The following PAXIP1 variants were observed in gnomAD, a reference collection of about 807,000 sequenced individuals.
PAXIP1 encodes the protein PAX-interacting protein 1.
In PAXIP1, 19 loss-of-function variants were observed where a neutral mutation model predicts 140.6. The observed-to-expected ratio is 0.14, with a 90% CI of 0.09 to 0.20. The LOEUF is 0.20. PAXIP1 is among the 10% of genes least tolerant of loss of function. The pLI, the probability that PAXIP1 is intolerant of heterozygous loss-of-function variation, is 1.00. For synonymous variants in PAXIP1, 442 were observed against 444.6 expected (o/e 0.99, Z 0.07); for missense variants, 920 against 1,208.6 (o/e 0.76, Z 3.54).
At position 154,954,666 on chromosome 7, in the gene PAXIP1, C is replaced by A. The variant is rs574841989; in HGVS notation, c.2653-243G>T. On this transcript the variant is annotated intron_variant, in intron 15 of 20. Transcript: ENST00000404141. The surrounding 1 kb of genome is among the most constrained non-coding windows in gnomAD (Gnocchi z 5.1). ...ACAAATCAAGATTAAAACATGAATT[C>A]TCCATCAAACATCAATAACATATCT... Among the ~76,000 whole-genome samples, 3 of 152,342 alleles carry A rather than the reference C, an allele frequency of 2.0e-5. No individual in the cohort carries two copies. The highest frequency in any genetic ancestry group is 2.1e-4 in the South Asian group (1 of 4,830).
chr7:154,954,310 C>T lies in PAXIP1; in HGVS notation c.2766G>A (p.Lys922=), dbSNP rs1808413333. The change falls in exon 16 of 21, where the codon AAG becomes AAA. Residue 922 remains lysine (K), a synonymous_variant. Transcript: ENST00000404141. The surrounding 1 kb of genome is among the most constrained non-coding windows in gnomAD (Gnocchi z 5.1). ...CCAGCCACTCTGGCGTCACTATGTGCTTCACGACAGAAATCGCCGTCAGGA... is the reference window on the plus strand; with the variant it reads ...CCAGCCACTCTGGCGTCACTATGTGTTTCACGACAGAAATCGCCGTCAGGA... ...VKFLTAISVV[K]HIVTPEWLEE... is the part of the protein sequence containing the mutation. 2 of 1,603,444 alleles carry T rather than the reference C, an allele frequency of 1.2e-6. No individual in the cohort carries two copies. Among genetic ancestry groups the T allele is most frequent in the Non-Finnish European group, 8.5e-7 (1 of 1,172,752 alleles).
rs968616457 is a variant in PAXIP1 at position 154,969,145 on chromosome 7, G to A, written c.1075-19C>T. On this transcript the variant is annotated intron_variant, in intron 6 of 20. Coordinates refer to ENST00000404141, the MANE Select transcript of PAXIP1 (RefSeq NM_007349.4). Reference sequence around the variant, plus strand: ...GTAAGATCTACAAAACAAAAGTTAGGTGAAACATTATCAACAGTTCCTGAA... The same window carrying A: ...GTAAGATCTACAAAACAAAAGTTAGATGAAACATTATCAACAGTTCCTGAA... 2.1e-6 allele frequency: 3 copies of A among 1,450,794 alleles called. No individual in the cohort carries two copies. In the South Asian group the frequency reaches 4.4e-5, roughly 21 times the overall value. 89.9% of individuals were successfully genotyped at this position (1,450,794 alleles called of 1,614,324 possible).
chr7:154,962,786 C>A, intron 9 of PAXIP1: 1 of 168,152 alleles, frequency 5.9e-6, no homozygotes, highest in Non-Finnish European at 1.3e-5. Context: ...GAGGGCCCCA[C>A]ATAAGAAAAA....
intron 8 of PAXIP1, among the ~76,000 whole-genome samples, chr7:154,967,153 G>A (rs549022763): frequency 2.0e-5 from 3 of 152,198 alleles, no homozygotes; most frequent in East Asian, 1.9e-4. Context: ...CTGCTCTTCC[G>A]TTTTCTCCGT....
Position 154,955,617 on chromosome 7 carries a change from G to T in PAXIP1, c.2564C>A (p.Pro855Gln). ...TGGAGTTAGCTTTTTAGTGGGAGGT[G>T]GTACGTCTTCAATTCTGTGGAAGAA... ...SSKRARIEDV[P>Q]PPTKKLTPEL... Residue 855 changes from proline (P) to glutamine (Q), a missense_variant, in exon 15 of 21, where the codon CCA becomes CAA. Pro to Gln is a moderately conservative substitution (Grantham distance 76, BLOSUM62 -1). Coordinates refer to ENST00000404141, the MANE Select transcript of PAXIP1 (RefSeq NM_007349.4). 1 of 1,577,052 alleles carries T rather than the reference G, an allele frequency of 6.3e-7. No homozygotes were observed. The highest frequency in any genetic ancestry group is 8.6e-7 in the Non-Finnish European group (1 of 1,162,892).
Position 154,976,107 on chromosome 7 carries a change from G to T in PAXIP1, c.663C>A (p.Ala221=), listed in dbSNP as rs1012517575. Residue 221 remains alanine (A), a synonymous_variant, in exon 6 of 21, where the codon GCC becomes GCA. Coordinates refer to ENST00000404141, the MANE Select transcript of PAXIP1 (RefSeq NM_007349.4). ...EGSTDEKSSP[A]SSQEGSPSGD... The stretch of plus-strand genomic sequence containing the variant: ...CTGAAGGAGACCCTTCTTGAGAGCT[G>T]GCAGGGCTTGACTTCTCATCTGTAC... 5.7e-6 allele frequency: 9 copies of T among 1,571,356 alleles called. No individual in the cohort carries two copies. In the East Asian group the frequency reaches 2.1e-4, roughly 37 times the overall value.
chr7:154,991,118 G>T, intron 3 of PAXIP1, 49 bp from the exon 4 acceptor site: 1 of 957,010 alleles, frequency 1.0e-6, no homozygotes, highest in Non-Finnish European at 1.6e-6. Flanking sequence ...AGTGCAACCT[G>T]TACTTCACTA....
chr7:154,954,392 T>G lies in PAXIP1; in HGVS notation c.2684A>C (p.Glu895Ala). The G allele has an allele frequency of 6.4e-7, 1 of 1,573,640 alleles. No homozygotes were observed. The highest frequency in any genetic ancestry group is 8.7e-7 in the Non-Finnish European group (1 of 1,152,988). ...KLYILGGEVA[E>A]SAQKCTHLIA... is the part of the protein sequence containing the mutation. ...GAGGTGTGTGCACTTCTGTGCAGAC[T>G]CCGCAACCTCTCCACCAAGAATGTA... Residue 895 changes from glutamate to alanine, a missense_variant, in exon 16 of 21, where the codon GAG becomes GCG. Coordinates refer to ENST00000404141, the MANE Select transcript of PAXIP1 (RefSeq NM_007349.4). The surrounding 1 kb of genome is among the most constrained non-coding windows in gnomAD (Gnocchi z 5.1).
chr7:154,993,641 C>T (rs938803840), intron 3 of PAXIP1, 85 bp downstream of exon 3: 1 of 1,021,164 alleles, frequency 9.8e-7, no homozygotes, highest in East Asian at 2.6e-5. Flanking sequence ...AATGAATCCA[C>T]TTTTCACTCC....
rs938845040 is a variant in PAXIP1 at position 154,955,575 on chromosome 7, A to G, written c.2606T>C (p.Val869Ala). The G allele has an allele frequency of 6.2e-7, 1 of 1,607,800 alleles. No individual in the cohort carries two copies. Among genetic ancestry groups the G allele is most frequent in the Admixed American group, 1.7e-5 (1 of 58,438 alleles). Residue 869 changes from valine to alanine, a missense_variant, in exon 15 of 21, where the codon GTG (valine) becomes GCG (alanine). Physicochemically the swap from Val to Ala is moderately conservative, Grantham distance 64. This residue lies in a region of PAXIP1 where 303 missense variants were observed against 517.9 expected (regional missense o/e 0.59). Transcript: ENST00000404141. ...KKLTPELTPFVLFTGFEPVQV... is the reference protein window; with the variant it reads ...KKLTPELTPFALFTGFEPVQV... ...GACAGGCTCGAATCCAGTGAAAAGC[A>G]CAAAAGGGGTCAATTCTGGAGTTAG...
At chr7:154,985,796 A>T (rs1810041667) in intron 4 of PAXIP1, among the ~76,000 whole-genome samples, 1 of 152,174 alleles carries the variant, frequency 6.6e-6, no homozygotes, top group Non-Finnish European at 1.5e-5. Flanking sequence ...TCCAGTCTTG[A>T]CTATGAACTC....
chr7:154,993,448 T>C (rs900958555), intron 3 of PAXIP1, among the ~76,000 whole-genome samples: 7 of 152,228 alleles, frequency 4.6e-5, no homozygotes, highest in African/African-American at 1.4e-4. Flanking sequence ...ATCCCTCATC[T>C]AGCTAGCACC....
intron 4 of PAXIP1, among the ~76,000 whole-genome samples, chr7:154,990,189 G>A (rs1331592334): frequency 6.6e-6 from 1 of 151,700 alleles, no homozygotes; most frequent in African/African-American, 2.4e-5. Context: ...TTACAGGTGC[G>A]CACCACCATT....
chr7:154,966,418 T>C (rs1433932056), intron 8 of PAXIP1, among the ~76,000 whole-genome samples: 2 of 152,242 alleles, frequency 1.3e-5, no homozygotes, highest in Non-Finnish European at 2.9e-5. Flanking sequence ...TGAGGGCACA[T>C]GGCCTTCAGT....
Position 154,954,498 on chromosome 7 carries a change from G to A in PAXIP1, c.2653-75C>T. The stretch of plus-strand genomic sequence containing the variant: ...AGCCACACTGACACAGAGTAACACA[G>A]AGGAATATCTACCTAAAGACAAGGT... On this transcript the variant is annotated intron_variant, in intron 15 of 20. Transcript: ENST00000404141. The surrounding 1 kb of genome is among the most constrained non-coding windows in gnomAD (Gnocchi z 5.1). The A allele has an allele frequency of 1.0e-6, 1 of 996,236 alleles. No individual in the cohort carries two copies. Among genetic ancestry groups the A allele is most frequent in the East Asian group, 3.2e-5 (1 of 31,706 alleles). The allele number at this position is 996,236 out of a possible 1,614,324, so 61.7% of individuals were successfully genotyped here.
chr7:154,988,838 G>C (rs1352603337), intron 4 of PAXIP1, among the ~76,000 whole-genome samples: 1 of 152,152 alleles, frequency 6.6e-6, no homozygotes, highest in Non-Finnish European at 1.5e-5. Flanking sequence ...TCACATTTTA[G>C]CCAAAGTACA....
intron 13 of PAXIP1, among the ~76,000 whole-genome samples, chr7:154,958,704 C>T (rs972256969): frequency 2.0e-5 from 3 of 152,134 alleles, no homozygotes; most frequent in Non-Finnish European, 2.9e-5. Flanking sequence ...CTCTTTGTCT[C>T]TAAGATTTTT....
intron 5 of PAXIP1, among the ~76,000 whole-genome samples, chr7:154,982,969 T>TA (rs1350649882): frequency 6.7e-6 from 1 of 148,422 alleles, no homozygotes; most frequent in Non-Finnish European, 1.5e-5. Flanking sequence ...TACAGATTAA[T>TA]AAAATTTTCC....
At position 154,968,437 on chromosome 7, in the gene PAXIP1, C is replaced by T; in HGVS notation, c.1764G>A (p.Gln588=). 6.5e-7 allele frequency: 1 copy of T among 1,543,804 alleles called. No individual in the cohort carries two copies. The highest frequency in any genetic ancestry group is 8.8e-7 in the Non-Finnish European group (1 of 1,139,858). The change falls in exon 7 of 21, where the codon CAG becomes CAA. Residue 588 remains glutamine (Q), a synonymous_variant. Transcript: ENST00000404141. ...QQQQPPPSPQ[Q]HQLFGHDPAV... The stretch of plus-strand genomic sequence containing the variant: ...CTGGATCATGTCCAAAAAGCTGATG[C>T]TGCTGAGGCGATGGTGGTGGCTGCT...
Sources: gnomAD v4.1 joint callset for allele counts (sites outside exome capture counted in the v4.1 genomes callset) on GRCh38, gnomAD v4.1.1 for gene constraint, gnomAD v4.1.1 regional missense constraint, Gnocchi (gnomAD v3.1) non-coding constraint, MANE v1.5 for transcripts, NCBI Gene and HGNC (gene_info 2026-07-23, HGNC 2026-07-21) for gene names.